The following MGAT4C variants were observed in gnomAD, a reference collection of about 807,000 sequenced individuals.
MGAT4C encodes alpha-1,3-mannosyl-glycoprotein 4-beta-N-acetylglucosaminyltransferase C.
In MGAT4C, 19 loss-of-function variants were observed where a neutral mutation model predicts 40.1. The observed-to-expected ratio is 0.47, with a 90% CI of 0.33 to 0.70. The LOEUF is 0.70. Among genes scored for constraint, MGAT4C ranks in the 30% least tolerant of loss-of-function variants. The pLI is 0.02. For synonymous variants in MGAT4C, 181 were observed against 187.1 expected (o/e 0.97, Z 0.27); for missense variants, 491 against 563.2 (o/e 0.87, Z 1.30).
intron 2 of MGAT4C, among the ~76,000 whole-genome samples, chr12:86,037,522 T>C (rs1482970194): frequency 6.7e-6 from 1 of 150,288 alleles, no homozygotes; most frequent in African/African-American, 2.4e-5. Context: ...AGAACATCTT[T>C]ATTTCTGCCT....
At chr12:86,633,178 G>T (rs573552538) in intron 2 of MGAT4C, among the ~76,000 whole-genome samples, 1 of 152,050 alleles carries the variant, frequency 6.6e-6, no homozygotes, top group African/African-American at 2.4e-5. Flanking sequence ...AAGGCAGGAA[G>T]TCTGAGAACA....
intron 1 of MGAT4C, among the ~76,000 whole-genome samples, chr12:86,122,574 C>T (rs894021914): frequency 1.1e-4 from 16 of 152,114 alleles, no homozygotes; most frequent in Middle Eastern, 3.4e-3. Context: ...ATTTCATCTA[C>T]GTTAATTATA....
At chr12:86,536,763 TA>T (rs1959076692) in intron 2 of MGAT4C, among the ~76,000 whole-genome samples, 1 of 152,140 alleles carries the variant, frequency 6.6e-6, no homozygotes, top group Admixed American at 6.5e-5. Context: ...TTCTTGAGAA[TA>T]AAATTAAAAT....
chr12:86,492,574 T>TG (rs1337622175), intron 2 of MGAT4C, among the ~76,000 whole-genome samples: 1 of 152,196 alleles, frequency 6.6e-6, no homozygotes, highest in Non-Finnish European at 1.5e-5. Context: ...AAAATGGTGC[T>TG]GGGAAAACTG....
chr12:86,431,704 T>A (rs1000788956), intron 3 of MGAT4C, among the ~76,000 whole-genome samples: 1 of 152,136 alleles, frequency 6.6e-6, no homozygotes, highest in Non-Finnish European at 1.5e-5. Flanking sequence ...TTATTTCCCA[T>A]CATGATTGAG....
At position 85,975,283 on chromosome 12, in the gene MGAT4C, A is replaced by C. The variant is rs1032869710; in HGVS notation, c.*4006T>G. 1 of 151,040 alleles carries C rather than the reference A, an allele frequency of 6.6e-6. No homozygotes were observed. The highest frequency in any genetic ancestry group is 2.4e-5 in the African/African-American group (1 of 41,358). The allele number at this position is 151,040 out of a possible 1,614,324, so 9.4% of individuals were successfully genotyped here. The stretch of plus-strand genomic sequence containing the variant: ...GTAAATTTTATAATTGTTATTGATT[A>C]CAATGAAGGCCTCTGGTAATGTTTT... On this transcript the variant is annotated 3_prime_UTR_variant, in exon 5 of 5. Coordinates refer to ENST00000611864, the MANE Select transcript of MGAT4C (RefSeq NM_001351288.2).
At chr12:86,693,067 C>A (rs1467645307) in intron 2 of MGAT4C, among the ~76,000 whole-genome samples, 1 of 151,898 alleles carries the variant, frequency 6.6e-6, no homozygotes, top group Admixed American at 6.6e-5. Context: ...ATATGAGCCA[C>A]CCTTGGAAGA....
Position 85,969,575 on chromosome 12 carries a change from G to GA in MGAT4C, c.*9713dup, listed in dbSNP as rs1032096021. The stretch of plus-strand genomic sequence containing the variant: ...TTAGATGTTCAAGTTTAAAAAATGA[G>GA]AAAAAAATGTTTTACATGAAGAAAC... On this transcript the variant is annotated 3_prime_UTR_variant, in exon 5 of 5. Transcript: ENST00000611864. 1 of 151,258 alleles carries GA rather than the reference G, an allele frequency of 6.6e-6. No homozygotes were observed. The highest frequency in any genetic ancestry group is 2.4e-5 in the African/African-American group (1 of 41,314). The allele number at this position is 151,258 out of a possible 1,614,324, so 9.4% of individuals were successfully genotyped here. A position where few individuals can be genotyped will look rare whatever the true frequency, so the allele number is the denominator to read the frequency against.
At chr12:85,989,758 G>C (rs1398808080) in intron 2 of MGAT4C, among the ~76,000 whole-genome samples, 1 of 151,874 alleles carries the variant, frequency 6.6e-6, no homozygotes, top group Non-Finnish European at 1.5e-5. Flanking sequence ...TATTAATGTA[G>C]AGTAAATAAA....
intron 1 of MGAT4C, among the ~76,000 whole-genome samples, chr12:86,797,722 A>G (rs1316241753): frequency 1.3e-5 from 2 of 151,978 alleles, no homozygotes; most frequent in Non-Finnish European, 2.9e-5. Flanking sequence ...ATGAAAATCA[A>G]TCCTGTAACT....
intron 1 of MGAT4C, among the ~76,000 whole-genome samples, chr12:86,104,902 T>C (rs991612312): frequency 2.6e-5 from 4 of 152,122 alleles, no homozygotes; most frequent in Admixed American, 2.6e-4. Flanking sequence ...TGATGCATAC[T>C]TAATAGACTC....
At chr12:86,139,492 T>G (rs1882521617) in intron 1 of MGAT4C, among the ~76,000 whole-genome samples, 1 of 152,102 alleles carries the variant, frequency 6.6e-6, no homozygotes, top group South Asian at 2.1e-4. Flanking sequence ...ATATATGTTA[T>G]ATGAATCTTT....
chr12:86,583,141 A>G (rs1273792172), intron 2 of MGAT4C, among the ~76,000 whole-genome samples: 3 of 151,322 alleles, frequency 2.0e-5, no homozygotes, highest in African/African-American at 7.3e-5. Flanking sequence ...TCTCTGAAAG[A>G]AGTTTTCAGA....
intron 1 of MGAT4C, among the ~76,000 whole-genome samples, chr12:86,837,670 T>A (rs1194221652): frequency 3.3e-5 from 5 of 152,140 alleles, no homozygotes; most frequent in African/African-American, 9.7e-5. Context: ...ATAGATTTCA[T>A]TGAGCCTATT....
At chr12:86,461,467 G>C (rs1957600267) in intron 2 of MGAT4C, among the ~76,000 whole-genome samples, 1 of 151,886 alleles carries the variant, frequency 6.6e-6, no homozygotes, top group South Asian at 2.1e-4. Context: ...GGATGGTCTC[G>C]ATCTCCTGAC....
At chr12:86,080,962 C>G (rs1870726121) in intron 1 of MGAT4C, among the ~76,000 whole-genome samples, 1 of 151,986 alleles carries the variant, frequency 6.6e-6, no homozygotes, top group Admixed American at 6.6e-5. Context: ...TAAATCAAGT[C>G]TATAAGTAAT....
intron 1 of MGAT4C, among the ~76,000 whole-genome samples, chr12:86,823,699 A>G (rs181931549): frequency 6.6e-6 from 1 of 151,392 alleles, no homozygotes; most frequent in East Asian, 1.9e-4. Context: ...AATGAGACAT[A>G]AAAAAAGAGA....
chr12:86,340,389 T>C (rs1379041033), intron 3 of MGAT4C, among the ~76,000 whole-genome samples: 1 of 152,094 alleles, frequency 6.6e-6, no homozygotes, highest in Admixed American at 6.6e-5. Flanking sequence ...AAAAAATGTT[T>C]AGCTTGAAAG....
At chr12:86,797,527 T>C (rs984313721) in intron 1 of MGAT4C, among the ~76,000 whole-genome samples, 1 of 151,888 alleles carries the variant, frequency 6.6e-6, no homozygotes, top group African/African-American at 2.4e-5. Context: ...CCAGAAGGAT[T>C]TGCCATGTTT....
Sources: gnomAD v4.1 joint callset for allele counts (sites outside exome capture counted in the v4.1 genomes callset) on GRCh38, gnomAD v4.1.1 for gene constraint, MANE v1.5 for transcripts, NCBI Gene and HGNC (gene_info 2026-07-23, HGNC 2026-07-21) for gene names.